Variants in C12orf42 observed in about 807,000 individuals in gnomAD.
C12orf42 encodes chromosome 12 open reading frame 42.
A neutral mutation model predicts 21.6 loss-of-function variants in C12orf42; 25 were observed. The ratio of observed to expected loss-of-function variants is 1.16; its 90% CI spans 0.84 to 1.62. C12orf42 has a LOEUF of 1.62. C12orf42 is among the 40% of genes most tolerant of loss of function. The pLI is 0.00. For missense variants in C12orf42, 483 were observed against 459.3 expected (o/e 1.05, Z -0.47); for synonymous variants, 174 against 175.0 (o/e 0.99, Z 0.05).
chr12:103,091,697 C>G, the C12orf42 span, among the ~76,000 whole-genome samples: 7 of 152,182 alleles, frequency 4.6e-5, no homozygotes, highest in Non-Finnish European at 1.0e-4. Context: ...GTTTAGAGAT[C>G]TGTTGTCCTT....
At chr12:103,545,495 T>C in the C12orf42 span, among the ~76,000 whole-genome samples, 7 of 152,178 alleles carry the variant, frequency 4.6e-5, no homozygotes, top group Admixed American at 6.5e-5. Context: ...GCAAGATAGA[T>C]GGTGGGAGAA....
At chr12:103,260,862 T>G (rs1453466594) in intron 10 of C12orf42, among the ~76,000 whole-genome samples, 2 of 152,178 alleles carry the variant, frequency 1.3e-5, no homozygotes, top group Non-Finnish European at 2.9e-5. Flanking sequence ...CTCAGGGATA[T>G]TTCTAAACTC....
At chr12:103,101,095 T>C in the C12orf42 span, among the ~76,000 whole-genome samples, 1 of 152,152 alleles carries the variant, frequency 6.6e-6, no homozygotes, top group Non-Finnish European at 1.5e-5. Context: ...ACCTGGAAAA[T>C]GGGATAATCC....
At chr12:103,200,490 C>CA in the C12orf42 span, among the ~76,000 whole-genome samples, 6 of 151,878 alleles carry the variant, frequency 4.0e-5, no homozygotes, top group African/African-American at 1.2e-4. Context: ...TCTAATCACA[C>CA]AAAAAATAAT....
At chr12:103,222,754 G>A in the C12orf42 span, among the ~76,000 whole-genome samples, 1 of 151,498 alleles carries the variant, frequency 6.6e-6, no homozygotes, top group African/African-American at 2.4e-5. Flanking sequence ...TTTTCTATAA[G>A]AGCAATTTCT....
At chr12:103,254,648 A>C (rs2034465817) in intron 10 of C12orf42, among the ~76,000 whole-genome samples, 1 of 152,330 alleles carries the variant, frequency 6.6e-6, no homozygotes, top group Non-Finnish European at 1.5e-5. Context: ...ATTATCCTCA[A>C]ACTAATACGG....
chr12:103,294,411 A>AAGAG (rs771161984), intron 4 of C12orf42, among the ~76,000 whole-genome samples: 4 of 139,090 alleles, frequency 2.9e-5, no homozygotes, highest in African/African-American at 8.4e-5. Context: ...GAAAGAAAGA[A>AAGAG]AGAGAGAAAG....
At chr12:103,201,399 C>T in the C12orf42 span, among the ~76,000 whole-genome samples, 29 of 152,018 alleles carry the variant, frequency 1.9e-4, no homozygotes, top group African/African-American at 6.5e-4. Context: ...TGGGCATTGT[C>T]GGATATCCTA....
In C12orf42 at chr12:103,423,005, A is replaced by G. The variant is rs531746859; in HGVS notation, c.79-21330T>C. ...CTCATTATATATGTTTGTCTTTCAC[A>G]TCCACATTGGAGCCAGTATTTTTCC... On this transcript the variant is annotated intron_variant, in intron 2 of 5. Coordinates refer to ENST00000548883, the MANE Select transcript of C12orf42 (RefSeq NM_198521.5). Among the ~76,000 whole-genome samples, 7 of 152,292 alleles carry G rather than the reference A, an allele frequency of 4.6e-5. No homozygotes were observed. In the South Asian group the frequency reaches 1.5e-3, roughly 32 times the overall value.
At chr12:103,136,735 C>T in the C12orf42 span, among the ~76,000 whole-genome samples, 2 of 152,164 alleles carry the variant, frequency 1.3e-5, no homozygotes, top group Admixed American at 6.5e-5. Flanking sequence ...CATATGTTTA[C>T]AGTCAACCAC....
intron 4 of C12orf42, among the ~76,000 whole-genome samples, chr12:103,323,532 C>T (rs1430930918): frequency 6.6e-6 from 1 of 152,166 alleles, no homozygotes; most frequent in Non-Finnish European, 1.5e-5. Context: ...CAGATCAAGA[C>T]TGTGCAGACA....
At position 103,418,832 on chromosome 12, in the gene C12orf42, AT is replaced by A. The variant is rs71438496; in HGVS notation, c.79-17158del. Among the ~76,000 whole-genome samples, 500 of 143,514 alleles carry A rather than the reference AT, an allele frequency of 3.5e-3. 3 individuals carry two copies. Among genetic ancestry groups the A allele is most frequent in the African/African-American group, 4.2e-3 (164 of 39,316 alleles). The allele number at this position is 143,514 out of a possible 152,430, so 94.2% of individuals were successfully genotyped here. ...TTTTCTGTATGTAACATTCCGTTAA[AT>A]TTTTTTTTTTTTTTGGTAGCCATAT... On this transcript the variant is annotated intron_variant, in intron 2 of 5. Coordinates refer to ENST00000548883, the MANE Select transcript of C12orf42 (RefSeq NM_198521.5).
the C12orf42 span, among the ~76,000 whole-genome samples, chr12:103,561,342 G>A: frequency 9.2e-5 from 14 of 152,278 alleles, no homozygotes; most frequent in Admixed American, 1.3e-4. Flanking sequence ...CATCAACTGG[G>A]TAGCTTAAAT....
intron 4 of C12orf42, among the ~76,000 whole-genome samples, chr12:103,356,198 T>C (rs1181900456): frequency 2.0e-5 from 3 of 152,112 alleles, no homozygotes; most frequent in African/African-American, 4.8e-5. Context: ...TCCTCCCTTC[T>C]CTTGATCATC....
the C12orf42 span, among the ~76,000 whole-genome samples, chr12:103,213,079 A>G: frequency 0.011 from 1,618 of 152,290 alleles, 24 homozygotes; most frequent in African/African-American, 0.036. Context: ...TCTCAGAATA[A>G]GGTCACAATT....
At chr12:103,417,265 C>T (rs2049438233) in intron 2 of C12orf42, among the ~76,000 whole-genome samples, 1 of 152,156 alleles carries the variant, frequency 6.6e-6, no homozygotes, top group Non-Finnish European at 1.5e-5. Flanking sequence ...AAAGGGTAAA[C>T]CTAATTATCT....
chr12:103,207,254 C>T, the C12orf42 span, among the ~76,000 whole-genome samples: 1 of 152,140 alleles, frequency 6.6e-6, no homozygotes, highest in South Asian at 2.1e-4. Flanking sequence ...TGTTATGAAC[C>T]ACTGAAAATT....
the C12orf42 span, chr12:103,548,993 CT>C: frequency 6.6e-6 from 1 of 152,220 alleles, no homozygotes; most frequent in Non-Finnish European, 1.5e-5. Context: ...AACCTCACCT[CT>C]ATGGACCTGT....
the C12orf42 span, among the ~76,000 whole-genome samples, chr12:103,523,691 G>A: frequency 1.3e-5 from 2 of 151,170 alleles, no homozygotes; most frequent in Non-Finnish European, 2.9e-5. Flanking sequence ...AGCAATTACA[G>A]CATTGTTTTA....
Sources: allele counts gnomAD v4.1 joint callset (sites outside exome capture counted in the v4.1 genomes callset), GRCh38; gene constraint gnomAD v4.1.1; transcripts MANE v1.5; gene names NCBI Gene and HGNC (gene_info 2026-07-23, HGNC 2026-07-21).